The following ANKMY1 variants were observed in gnomAD, a reference collection of about 807,000 sequenced individuals.
ANKMY1 encodes ankyrin repeat and MYND domain-containing protein 1.
Under a neutral mutation model 102.0 loss-of-function variants are expected in ANKMY1, and 98 were observed. The observed-to-expected ratio is 0.96, with a 90% CI of 0.82 to 1.14. The LOEUF is 1.14. Among genes scored for constraint, ANKMY1 ranks in the 50% most tolerant of loss-of-function variants. The pLI, the probability that ANKMY1 is intolerant of heterozygous loss-of-function variation, is 0.00. For synonymous variants in ANKMY1, 582 were observed against 559.9 expected, an observed-to-expected ratio of 1.04 and a Z score of -0.56; for missense variants, 1,330 against 1,347.6, an observed-to-expected ratio of 0.99 and a Z score of 0.20.
chr2:240,471,108 G>C, the ANKMY1 span, among the ~76,000 whole-genome samples: 1 of 89,330 alleles, frequency 1.1e-5, no homozygotes, highest in Non-Finnish European at 2.3e-5. Flanking sequence ...AGGGATCTGG[G>C]CAGGAAAAAA....
chr2:240,515,470 G>C (rs999414267), intron 9 of ANKMY1, among the ~76,000 whole-genome samples: 1 of 152,040 alleles, frequency 6.6e-6, no homozygotes, highest in East Asian at 1.9e-4. Flanking sequence ...AGGAGGCGGA[G>C]GCTGCAGTGA....
At chr2:240,507,911 T>C (rs907679994) in intron 12 of ANKMY1, 28 of 443,844 alleles carry the variant, frequency 6.3e-5, no homozygotes, top group Non-Finnish European at 9.3e-5. Flanking sequence ...ATGGCTGGTC[T>C]GTTAGGGAGG....
At chr2:240,560,717 C>T (rs577759509), upstream of ANKMY1, 1,357 of 1,525,728 alleles carry the variant, frequency 8.9e-4, 13 homozygotes, top group African/African-American at 0.015. Context: ...GCCGCGGGGC[C>T]GCCTCGCCCG....
Position 240,506,439 on chromosome 2 carries a change from TC to T in ANKMY1, c.2526+1120del, listed in dbSNP as rs1269311179. On this transcript the variant is annotated intron_variant, in intron 13 of 17. Coordinates refer to ENST00000401804, the MANE Select transcript of ANKMY1 (RefSeq NM_001282771.3). The surrounding 1 kb of genome is among the most constrained non-coding windows in gnomAD (Gnocchi z 4.9). ...CGCCTATGGAAAACTGACTTCTGCG[TC>T]CTCACTTAGTCTATCCAGACAGAAC... 6.6e-6 allele frequency among the ~76,000 whole-genome samples: 1 copy of T among 152,178 alleles called. No homozygotes were observed. Among genetic ancestry groups the T allele is most frequent in the African/African-American group, 2.4e-5 (1 of 41,434 alleles).
chr2:240,517,664 A>C (rs908426682), intron 9 of ANKMY1, among the ~76,000 whole-genome samples: 1 of 145,706 alleles, frequency 6.9e-6, no homozygotes, highest in Non-Finnish European at 1.5e-5. Context: ...TTTAAAAATT[A>C]GCCAGGCCTG....
intron 15 of ANKMY1, among the ~76,000 whole-genome samples, chr2:240,489,221 C>G (rs749508396): frequency 8.5e-5 from 13 of 152,112 alleles, no homozygotes; most frequent in African/African-American, 3.1e-4. Flanking sequence ...TGGGAGGCCA[C>G]GGCAGGCAGA....
intron 9 of ANKMY1, among the ~76,000 whole-genome samples, chr2:240,516,937 T>C (rs1434831265): frequency 6.6e-6 from 1 of 152,252 alleles, no homozygotes; most frequent in East Asian, 1.9e-4. Flanking sequence ...TGTTTCATTT[T>C]TTGGAGTCTG....
At chr2:240,526,756 G>A in intron 5 of ANKMY1, 2 of 1,290,058 alleles carry the variant, frequency 1.6e-6, no homozygotes, top group Non-Finnish European at 2.0e-6. Context: ...GCTAAGAAAT[G>A]GGCTGTAACA....
chr2:240,499,972 T>G lies in ANKMY1; in HGVS notation c.2792A>C (p.Tyr931Ser), dbSNP rs989719665. The change falls in exon 15 of 18, where the codon TAC (tyrosine) becomes TCC (serine). Residue 931 changes from tyrosine (Y) to serine (S), a missense_variant. Tyr to Ser is a moderately radical substitution (Grantham distance 144, BLOSUM62 -2). Transcript: ENST00000401804. This position sits in a 1 kb window ranked among gnomAD's most constrained non-coding sequence, Gnocchi z 4.2. ...KESQWDPTWLYLCKRAELIPS... is the reference protein window; with the variant it reads ...KESQWDPTWLSLCKRAELIPS... ...CCACTGCTCACCTCTCTTGCACAGG[T>G]ACAGCCACGTGGGGTCCCACTGGCT... The G allele has an allele frequency of 3.7e-6, 6 of 1,612,452 alleles. No individual in the cohort carries two copies. In the African/African-American group the frequency reaches 8.0e-5, roughly 22 times the overall value.
chr2:240,500,123 C>G lies in ANKMY1; in HGVS notation c.2641G>C (p.Asp881His). The change falls in exon 15 of 18, where the codon GAC becomes CAC. Residue 881 changes from aspartate (D) to histidine (H), a missense_variant and splice_region_variant. Physicochemically the swap from Asp to His is moderately conservative, Grantham distance 81. Coordinates refer to ENST00000401804, the MANE Select transcript of ANKMY1 (RefSeq NM_001282771.3). The part of the protein sequence containing the change: ...VDYGYFRFFQ[D>H]RRIARCPFHT... ...AAGGGGCAGCGGGCAATCCTCCGGT[C>G]CTGCGGCACAGCACCAGGGTCACCA... The G allele has an allele frequency of 1.3e-6, 2 of 1,597,254 alleles. No homozygotes were observed. The highest frequency in any genetic ancestry group is 1.7e-6 in the Non-Finnish European group (2 of 1,172,326).
intron 7 of ANKMY1, among the ~76,000 whole-genome samples, 198 bp from the exon 8 acceptor site, chr2:240,524,579 C>T (rs984855422): frequency 1.3e-5 from 2 of 152,226 alleles, no homozygotes; most frequent in Non-Finnish European, 2.9e-5. Flanking sequence ...GAAGCCTGCA[C>T]CTGACCAGGC....
chr2:240,537,953 T>C (rs1440955237), intron 4 of ANKMY1, among the ~76,000 whole-genome samples: 1 of 152,250 alleles, frequency 6.6e-6, no homozygotes, highest in East Asian at 1.9e-4. Flanking sequence ...TTCACCTTCC[T>C]TTTGCTGTCC....
At chr2:240,500,349 A>G in intron 14 of ANKMY1, 103 bp downstream of exon 14, 1 of 1,316,492 alleles carries the variant, frequency 7.6e-7, no homozygotes, top group Non-Finnish European at 1.1e-6. Context: ...CGGCGCTAGG[A>G]ACCTTGAGCC....
intron 13 of ANKMY1, among the ~76,000 whole-genome samples, 159 bp from the exon 14 acceptor site, chr2:240,500,724 G>A (rs1353801272): frequency 6.6e-6 from 1 of 152,352 alleles, no homozygotes; most frequent in East Asian, 1.9e-4. Context: ...AGAGGGAGAT[G>A]GAGACGGGGC....
chr2:240,508,193 A>G (rs1316026347), intron 12 of ANKMY1, among the ~76,000 whole-genome samples: 1 of 152,256 alleles, frequency 6.6e-6, no homozygotes, highest in African/African-American at 2.4e-5. Context: ...CCCAGCCGCC[A>G]GCTCAGATTC....
intron 8 of ANKMY1, 42 bp downstream of exon 8, chr2:240,523,843 G>C: frequency 1.9e-6 from 3 of 1,593,298 alleles, no homozygotes; most frequent in Non-Finnish European, 2.6e-6. Flanking sequence ...ATTCAGCCCT[G>C]ATGGTGGCCC....
intron 5 of ANKMY1, 129 bp from the exon 6 acceptor site, chr2:240,526,574 A>G: frequency 6.7e-7 from 1 of 1,492,126 alleles, no homozygotes; most frequent in East Asian, 2.5e-5. Flanking sequence ...TTCACTCCTC[A>G]GGTACCCTGA....
chr2:240,534,216 G>A (rs1408773320), intron 4 of ANKMY1, among the ~76,000 whole-genome samples: 2 of 152,218 alleles, frequency 1.3e-5, no homozygotes, highest in African/African-American at 4.8e-5. Flanking sequence ...TGGGGCTCTT[G>A]ACATGCATCC....
intron 8 of ANKMY1, chr2:240,522,612 C>T (rs745445269): frequency 6.6e-6 from 1 of 152,266 alleles, no homozygotes; most frequent in Admixed American, 6.5e-5. Flanking sequence ...AACCAGCCTT[C>T]TGCGCCTGGC....
Sources: gnomAD v4.1 joint callset for allele counts (sites outside exome capture counted in the v4.1 genomes callset) on GRCh38, gnomAD v4.1.1 for gene constraint, Gnocchi (gnomAD v3.1) non-coding constraint, MANE v1.5 for transcripts, NCBI Gene and HGNC (gene_info 2026-07-23, HGNC 2026-07-21) for gene names.